The following CNBD1 variants were observed in gnomAD, a reference collection of about 807,000 sequenced individuals.
CNBD1 encodes cyclic nucleotide binding domain containing 1.
A neutral mutation model predicts 54.4 loss-of-function variants in CNBD1; 71 were observed. The observed-to-expected ratio is 1.30, with a 90% CI of 1.08 to 1.59. The LOEUF (loss-of-function observed/expected upper bound fraction) is 1.59, where lower values mean the gene tolerates loss of function less well. CNBD1 is among the 40% of genes most tolerant of loss of function. The pLI is 0.00. For synonymous variants in CNBD1, 182 were observed against 170.7 expected (o/e 1.07, Z -0.51); for missense variants, 659 against 518.0 (o/e 1.27, Z -2.64).
At chr8:87,390,626 C>T (rs1811288579) in intron 2 of CNBD1, among the ~76,000 whole-genome samples, 1 of 152,114 alleles carries the variant, frequency 6.6e-6, no homozygotes, top group Admixed American at 6.6e-5. Context: ...AATAGGAACA[C>T]TTTTGCACTG....
chr8:87,254,942 A>G (rs745633075), intron 6 of CNBD1, among the ~76,000 whole-genome samples: 76 of 152,244 alleles, frequency 5.0e-4, no homozygotes, highest in Non-Finnish European at 1.0e-3. Flanking sequence ...TCCTGGTTAT[A>G]TTTCAGTGAC....
chr8:87,389,342 C>A (rs1178102167), intron 2 of CNBD1, among the ~76,000 whole-genome samples: 1 of 152,102 alleles, frequency 6.6e-6, no homozygotes, highest in Non-Finnish European at 1.5e-5. Flanking sequence ...GATTGTGTAT[C>A]TAGAAAACCC....
At chr8:87,426,824 C>T (rs1391239071) in intron 2 of CNBD1, among the ~76,000 whole-genome samples, 1 of 152,144 alleles carries the variant, frequency 6.6e-6, no homozygotes. Context: ...ATCCCATTGA[C>T]AGACCCAAAA....
intron 5 of CNBD1, among the ~76,000 whole-genome samples, chr8:87,234,644 G>A (rs1013933915): frequency 1.3e-5 from 2 of 152,218 alleles, no homozygotes; most frequent in South Asian, 2.1e-4. Context: ...AGGCTTGGTT[G>A]TTCCATTTAT....
At chr8:87,352,868 G>C (rs149034329) in intron 9 of CNBD1, among the ~76,000 whole-genome samples, 62 of 152,202 alleles carry the variant, frequency 4.1e-4, no homozygotes, top group African/African-American at 1.4e-3. Context: ...ATTTATATAG[G>C]TGCAAATATT....
intron 2 of CNBD1, among the ~76,000 whole-genome samples, chr8:87,404,005 G>C (rs574779591): frequency 6.6e-6 from 1 of 152,156 alleles, no homozygotes; most frequent in African/African-American, 2.4e-5. Flanking sequence ...CAGATGTCCA[G>C]ATCAACTGAG....
At chr8:87,368,529 T>G (rs1810690305) in intron 10 of CNBD1, among the ~76,000 whole-genome samples, 1 of 151,718 alleles carries the variant, frequency 6.6e-6, no homozygotes, top group African/African-American at 2.4e-5. Context: ...TCCCAGCTAC[T>G]TGGTGGACTA....
intron 4 of CNBD1, among the ~76,000 whole-genome samples, chr8:87,198,358 T>C (rs941078933): frequency 6.6e-6 from 1 of 152,198 alleles, no homozygotes; most frequent in Non-Finnish European, 1.5e-5. Flanking sequence ...TTGTTGTTAT[T>C]TGACCCTGGG....
At chr8:87,084,249 A>G (rs557127881) in intron 4 of CNBD1, among the ~76,000 whole-genome samples, 2 of 152,324 alleles carry the variant, frequency 1.3e-5, no homozygotes, top group East Asian at 3.9e-4. Flanking sequence ...TAAAATCTGT[A>G]TCTTTATTAT....
chr8:87,104,862 T>C (rs1811500243), intron 4 of CNBD1, among the ~76,000 whole-genome samples: 2 of 152,242 alleles, frequency 1.3e-5, no homozygotes, highest in African/African-American at 4.8e-5. Flanking sequence ...GAAATCATTA[T>C]GAATTGTATG....
At chr8:87,332,621 G>T (rs1809859214) in intron 8 of CNBD1, among the ~76,000 whole-genome samples, 2 of 152,008 alleles carry the variant, frequency 1.3e-5, no homozygotes, top group South Asian at 4.1e-4. Flanking sequence ...TTGCAGCACT[G>T]TTTATTGTAG....
intron 4 of CNBD1, among the ~76,000 whole-genome samples, chr8:87,023,597 G>A (rs573893948): frequency 9.2e-5 from 14 of 152,142 alleles, no homozygotes; most frequent in African/African-American, 3.4e-4. Flanking sequence ...GTATAATTAT[G>A]TCATATATTT....
rs13274534 is a variant in CNBD1 at position 87,296,632 on chromosome 8, T to A, written c.1042+9961T>A. Among the ~76,000 whole-genome samples, 101 of 150,902 alleles carry A rather than the reference T, an allele frequency of 6.7e-4. 1 individual carries two copies. The highest frequency in any genetic ancestry group is 1.0e-3 in the South Asian group (5 of 4,816). The stretch of plus-strand genomic sequence containing the variant: ...ATATATATATACACATATATATACA[T>A]ATATATGTGTGTGTGTGTCTATATA... On this transcript the variant is annotated intron_variant, in intron 8 of 10. Coordinates refer to ENST00000518476, the MANE Select transcript of CNBD1 (RefSeq NM_173538.3).
intron 4 of CNBD1, among the ~76,000 whole-genome samples, chr8:87,109,823 C>G (rs565246060): frequency 4.9e-4 from 74 of 152,196 alleles, no homozygotes; most frequent in African/African-American, 1.8e-3. Context: ...CAAGTGTGAG[C>G]CACCGTGCCC....
intron 4 of CNBD1, among the ~76,000 whole-genome samples, chr8:87,192,378 C>G (rs1165962838): frequency 6.6e-6 from 1 of 152,140 alleles, no homozygotes; most frequent in Non-Finnish European, 1.5e-5. Context: ...CCTGCCCTAA[C>G]TCAATTAGCC....
At chr8:87,280,263 G>A (rs1808572308) in intron 6 of CNBD1, among the ~76,000 whole-genome samples, 2 of 151,604 alleles carry the variant, frequency 1.3e-5, no homozygotes, top group African/African-American at 2.4e-5. Flanking sequence ...AAAGGCCATT[G>A]GAGTCTAAAT....
At chr8:86,947,588 T>G (rs1365774710) in intron 4 of CNBD1, among the ~76,000 whole-genome samples, 1 of 152,130 alleles carries the variant, frequency 6.6e-6, no homozygotes, top group Non-Finnish European at 1.5e-5. Context: ...ATATTCTTGT[T>G]AAAAGTTTCC....
chr8:86,981,321 G>T (rs1376573469), intron 4 of CNBD1, among the ~76,000 whole-genome samples: 1 of 152,098 alleles, frequency 6.6e-6, no homozygotes, highest in Non-Finnish European at 1.5e-5. Context: ...GCCTTCATTT[G>T]CTATATTTTC....
At chr8:87,347,326 G>A (rs112939972) in intron 8 of CNBD1, among the ~76,000 whole-genome samples, 3,671 of 152,186 alleles carry the variant, frequency 0.024, 149 homozygotes, top group African/African-American at 0.081. Context: ...TTTGTTTAAT[G>A]TTGAGATTCT....
Sources: allele counts gnomAD v4.1 joint callset (sites outside exome capture counted in the v4.1 genomes callset), GRCh38; gene constraint gnomAD v4.1.1; transcripts MANE v1.5; gene names NCBI Gene and HGNC (gene_info 2026-07-23, HGNC 2026-07-21).